Variants in PCNX4 observed in about 807,000 individuals in gnomAD.
PCNX4 encodes the protein pecanex-like protein 4.
In PCNX4, 103 loss-of-function variants were observed where a neutral mutation model predicts 107.2. That is an observed-to-expected ratio of 0.96 (90% confidence interval 0.82 to 1.13). PCNX4 has a LOEUF of 1.13. Among genes scored for constraint, PCNX4 ranks in the 50% most tolerant of loss-of-function variants. The probability of loss-of-function intolerance (pLI) is 0.00; values close to 1 mark genes in which losing one functional copy is unlikely to be tolerated. For synonymous variants in PCNX4, 541 were observed against 481.7 expected (o/e 1.12, Z -1.61); for missense variants, 1,528 against 1,379.4 (o/e 1.11, Z -1.71).
Position 60,121,310 on chromosome 14 carries a change from A to T in PCNX4, c.2046+11A>T. ...TCTATTAACATTAAGGTCAGTGTGC[A>T]TATAAAACATCTGTAGTATTTTTAT... On this transcript the variant is annotated intron_variant, in intron 8 of 10. Transcript: ENST00000406854. 1 of 1,603,690 alleles carries T rather than the reference A, an allele frequency of 6.2e-7. No individual in the cohort carries two copies. The highest frequency in any genetic ancestry group is 8.5e-7 in the Non-Finnish European group (1 of 1,175,926).
chr14:60,121,163 T>A, intron 7 of PCNX4, 33 bp from the exon 8 acceptor site: 1 of 1,102,494 alleles, frequency 9.1e-7, no homozygotes, highest in Non-Finnish European at 1.2e-6. Context: ...ATGATTTTCT[T>A]TTTTTTTTTT....
Position 60,125,196 on chromosome 14 carries a change from T to C in PCNX4, c.3025T>C (p.Leu1009=), listed in dbSNP as rs1242580983. ...YGGVLPWSVA[L]DWLTEKPELF... Reference sequence around the variant, plus strand: ...TGGTGTTTTGCCTTGGTCTGTTGCTTTGGACTGGCTCACAGAAAAGCCAGA... The same window carrying C: ...TGGTGTTTTGCCTTGGTCTGTTGCTCTGGACTGGCTCACAGAAAAGCCAGA... Residue 1009 remains leucine (L), a synonymous_variant, in exon 9 of 11, where the codon TTG becomes CTG. Transcript: ENST00000406854. The C allele has an allele frequency of 6.2e-7, 1 of 1,607,490 alleles. No individual in the cohort carries two copies. Among genetic ancestry groups the C allele is most frequent in the East Asian group, 2.2e-5 (1 of 44,830 alleles).
intron 1 of PCNX4, among the ~76,000 whole-genome samples, chr14:60,094,890 A>G (rs146471616): frequency 5.3e-4 from 80 of 152,148 alleles, no homozygotes; most frequent in African/African-American, 1.5e-3. Context: ...AAGTCACTTA[A>G]TATCACTGGT....
rs1321591286 is a variant in PCNX4, at chr14:60,139,127, TTA to T, written c.*4907_*4908del. 1 of 152,070 alleles carries T rather than the reference TTA, an allele frequency of 6.6e-6. No individual in the cohort carries two copies. Among genetic ancestry groups the T allele is most frequent in the Non-Finnish European group, 1.5e-5 (1 of 67,946 alleles). The allele number at this position is 152,070 out of a possible 1,614,324, so 9.4% of individuals were successfully genotyped here. A position where few individuals can be genotyped will look rare whatever the true frequency, so the allele number is the denominator to read the frequency against. ...GTAGATTAGGAGGTTTAAATATCAGTTACAACATTCATATGAATAGACAGTGT... is the reference window on the plus strand; with the variant it reads ...GTAGATTAGGAGGTTTAAATATCAGTCAACATTCATATGAATAGACAGTGT... On this transcript the variant is annotated 3_prime_UTR_variant, in exon 11 of 11. Transcript: ENST00000406854.
At chr14:60,097,898 C>A (rs1385825126) in intron 1 of PCNX4, among the ~76,000 whole-genome samples, 1 of 152,242 alleles carries the variant, frequency 6.6e-6, no homozygotes, top group Non-Finnish European at 1.5e-5. Context: ...CAAAAACTGT[C>A]TGTCCCCTTG....
chr14:60,093,334 C>A (rs1202046062), intron 1 of PCNX4, among the ~76,000 whole-genome samples: 1 of 152,192 alleles, frequency 6.6e-6, no homozygotes, highest in Non-Finnish European at 1.5e-5. Flanking sequence ...CTTTTACCCT[C>A]AGCAGTCACC....
chr14:60,115,221 C>T lies in PCNX4; in HGVS notation c.1117C>T (p.Leu373Phe). The change falls in exon 4 of 11, where the codon CTT (leucine) becomes TTT (phenylalanine). Residue 373 changes from leucine (L) to phenylalanine (F), a missense_variant. By Grantham distance (22) the Leu-to-Phe change is conservative. Coordinates refer to ENST00000406854, the MANE Select transcript of PCNX4 (RefSeq NM_001330177.2). ...LVLALLETSL[L>F]HHFAGFSQIS... The stretch of plus-strand genomic sequence containing the variant: ...CTTGGCTCTTTTAGAAACTAGCTTG[C>T]TTCATCACTTTGCTGGCTTCTCACA... 1.2e-6 allele frequency: 2 copies of T among 1,613,330 alleles called. No individual in the cohort carries two copies. The highest frequency in any genetic ancestry group is 1.7e-6 in the Non-Finnish European group (2 of 1,179,402).
At chr14:60,095,244 T>C (rs1895401400) in intron 1 of PCNX4, among the ~76,000 whole-genome samples, 1 of 152,210 alleles carries the variant, frequency 6.6e-6, no homozygotes, top group Non-Finnish European at 1.5e-5. Context: ...TCAGTGAATC[T>C]GCATTTTTTA....
chr14:60,108,029 A>T lies in PCNX4; in HGVS notation c.391A>T (p.Ile131Phe). ...CTGAETVKFL[I>F]PGKKYVANTV... ...TGGTGCTGAGACTGTCAAATTTCTC[A>T]TTCCTGGCAAGAAATATGTAGCCAA... The change falls in exon 2 of 11, where the codon ATT (isoleucine) becomes TTT (phenylalanine). Residue 131 changes from isoleucine to phenylalanine, a missense_variant. Transcript: ENST00000406854. 6.2e-7 allele frequency: 1 copy of T among 1,612,882 alleles called. No individual in the cohort carries two copies. Among genetic ancestry groups the T allele is most frequent in the Non-Finnish European group, 8.5e-7 (1 of 1,179,874 alleles).
At chr14:60,102,254 A>G (rs946961666) in intron 1 of PCNX4, among the ~76,000 whole-genome samples, 3 of 152,174 alleles carry the variant, frequency 2.0e-5, no homozygotes, top group Admixed American at 6.5e-5. Context: ...AAATCCTAAC[A>G]ATACAGGAAA....
chr14:60,133,329 G>A (rs1341922336), intron 10 of PCNX4, among the ~76,000 whole-genome samples: 6 of 152,136 alleles, frequency 3.9e-5, no homozygotes, highest in African/African-American at 7.2e-5. Flanking sequence ...GAAAGAAATC[G>A]GTCACAAAAG....
chr14:60,118,632 T>A lies in PCNX4; in HGVS notation c.1882T>A (p.Tyr628Asn). 1.2e-6 allele frequency: 2 copies of A among 1,613,262 alleles called. No homozygotes were observed. The highest frequency in any genetic ancestry group is 1.7e-6 in the Non-Finnish European group (2 of 1,179,444). Reference sequence around the variant, plus strand: ...TGTGTGTGCAGATACAGTGTACTACTACCAAATGGTGCCCAGGTTGACTGC... The same window carrying A: ...TGTGTGTGCAGATACAGTGTACTACAACCAAATGGTGCCCAGGTTGACTGC... ...ACVCADTVYY[Y>N]QMVPRLTAVL... Residue 628 changes from tyrosine (Y) to asparagine (N), a missense_variant, in exon 7 of 11, where the codon TAC becomes AAC. Transcript: ENST00000406854.
In PCNX4 at chr14:60,140,511, A is replaced by G. The variant is rs537979317; in HGVS notation, c.*6290A>G. 1.3e-5 allele frequency: 2 copies of G among 152,308 alleles called. No homozygotes were observed. Among genetic ancestry groups the G allele is most frequent in the Admixed American group, 1.3e-4 (2 of 15,282 alleles). 9.4% of individuals were successfully genotyped at this position (152,308 alleles called of 1,614,324 possible). A position where few individuals can be genotyped will look rare whatever the true frequency, so the allele number is the denominator to read the frequency against. On this transcript the variant is annotated 3_prime_UTR_variant, in exon 11 of 11. Coordinates refer to ENST00000406854, the MANE Select transcript of PCNX4 (RefSeq NM_001330177.2). The surrounding 1 kb of genome is among the most constrained non-coding windows in gnomAD (Gnocchi z 4.2). ...GAAAACCTAGATACCAAAACCTGGC[A>G]AAAACTTTATGAGAAAGGGACCTAT...
rs748068431 is a variant in PCNX4 at position 60,133,988 on chromosome 14, G to T, written c.3286G>T (p.Val1096Leu). Reference sequence around the variant, plus strand: ...TTTAAAGGGAATTTACACTGGGAGAGTGCTTAGCCTTCAAGAATTATTGAT... The same window carrying T: ...TTTAAAGGGAATTTACACTGGGAGATTGCTTAGCCTTCAAGAATTATTGAT... ...DSNMGIYTGR[V>L]LSLQELLIQV... Residue 1096 changes from valine (V) to leucine (L), a missense_variant, in exon 11 of 11, where the codon GTG becomes TTG. Val to Leu is a conservative substitution (Grantham distance 32). Coordinates refer to ENST00000406854, the MANE Select transcript of PCNX4 (RefSeq NM_001330177.2). 1 of 1,612,960 alleles carries T rather than the reference G, an allele frequency of 6.2e-7. No individual in the cohort carries two copies. Among genetic ancestry groups the T allele is most frequent in the Non-Finnish European group, 8.5e-7 (1 of 1,179,266 alleles).
intron 7 of PCNX4, 107 bp from the exon 8 acceptor site, chr14:60,121,089 G>A: frequency 7.4e-7 from 1 of 1,352,598 alleles, no homozygotes; most frequent in Non-Finnish European, 9.8e-7. Flanking sequence ...TAGGAGTCGT[G>A]AATCAGTTCT....
Position 60,095,463 on chromosome 14 carries a change from G to A in PCNX4, c.-54+3044G>A, listed in dbSNP as rs74505067. Among the ~76,000 whole-genome samples, 319 of 152,260 alleles carry A rather than the reference G, an allele frequency of 2.1e-3. 7 individuals are homozygous for A. The East Asian group carries it at 0.042, about 20-fold the overall frequency. On this transcript the variant is annotated intron_variant, in intron 1 of 10. Transcript: ENST00000406854. ...TCCCTGTGGGCAAAATATAGGGGAG[G>A]TGTGTAGCTTTTCATCTTGTAGCCA...
Position 60,143,231 on chromosome 14 carries a change from T to C in PCNX4, c.*9010T>C, listed in dbSNP as rs1663000147. On this transcript the variant is annotated 3_prime_UTR_variant, in exon 11 of 11. Coordinates refer to ENST00000406854, the MANE Select transcript of PCNX4 (RefSeq NM_001330177.2). ...ACCTTCATCAGGAAGGGCTTCCACA[T>C]GATTCTATCTGCAAATCTCCCTTTT... 1 of 152,246 alleles carries C rather than the reference T, an allele frequency of 6.6e-6. No individual in the cohort carries two copies. The highest frequency in any genetic ancestry group is 1.5e-5 in the Non-Finnish European group (1 of 68,044). The allele number at this position is 152,246 out of a possible 1,614,324, so 9.4% of individuals were successfully genotyped here.
In PCNX4 at chr14:60,142,518, G is replaced by A. The variant is rs557782433; in HGVS notation, c.*8297G>A. On this transcript the variant is annotated 3_prime_UTR_variant, in exon 11 of 11. Transcript: ENST00000406854. The surrounding 1 kb of genome is among the most constrained non-coding windows in gnomAD (Gnocchi z 4.7). ...GATAATGATTAAGAAATACATTGATGCCGAGTAATAAATACTTTAAAAAAA... is the reference window on the plus strand; with the variant it reads ...GATAATGATTAAGAAATACATTGATACCGAGTAATAAATACTTTAAAAAAA... 1 of 152,154 alleles carries A rather than the reference G, an allele frequency of 6.6e-6. No individual in the cohort carries two copies. Among genetic ancestry groups the A allele is most frequent in the African/African-American group, 2.4e-5 (1 of 41,424 alleles). The allele number at this position is 152,154 out of a possible 1,614,324, so 9.4% of individuals were successfully genotyped here.
chr14:60,098,306 G>C (rs1162319771), intron 1 of PCNX4, among the ~76,000 whole-genome samples: 1 of 152,104 alleles, frequency 6.6e-6, no homozygotes, highest in Non-Finnish European at 1.5e-5. Flanking sequence ...AATAAATACT[G>C]TAAGTCTGTA....
Sources: gnomAD v4.1 joint callset for allele counts (sites outside exome capture counted in the v4.1 genomes callset) on GRCh38, gnomAD v4.1.1 for gene constraint, Gnocchi (gnomAD v3.1) non-coding constraint, MANE v1.5 for transcripts, NCBI Gene and HGNC (gene_info 2026-07-23, HGNC 2026-07-21) for gene names.